TRHDE: variants seen among roughly 807,000 people sequenced by gnomAD.
TRHDE encodes the protein thyrotropin releasing hormone degrading enzyme, also known as thyrotropin-releasing hormone-degrading ectoenzyme.
Under a neutral mutation model 125.7 loss-of-function variants are expected in TRHDE, and 72 were observed. That is an observed-to-expected ratio of 0.57 (90% CI 0.47 to 0.70). TRHDE has a LOEUF of 0.70. Ranked by LOEUF, TRHDE falls within the 30% of genes least tolerant of loss-of-function variation. TRHDE has a pLI of 0.00. For missense variants in TRHDE, 1,110 were observed against 1,327.1 expected (o/e 0.84, Z 2.54); for synonymous variants, 509 against 509.1 (o/e 1.00, Z 0.00).
intron 12 of TRHDE, among the ~76,000 whole-genome samples, chr12:72,603,535 C>A (rs1465798987): frequency 6.6e-6 from 1 of 152,044 alleles, no homozygotes; most frequent in Admixed American, 6.6e-5. Context: ...ACCATCCTGG[C>A]TAACATGGTG....
chr12:72,220,816 C>T (rs1307166261), intron 2 of TRHDE, among the ~76,000 whole-genome samples: 4 of 152,106 alleles, frequency 2.6e-5, no homozygotes, highest in African/African-American at 9.7e-5. Context: ...ACTTTTCTTC[C>T]ACCAAGGACT....
rs191271786 is a variant in TRHDE at position 72,448,570 on chromosome 12, C to A, written c.1316-21188C>A. The stretch of plus-strand genomic sequence containing the variant: ...ATTATTTGAAGGTTAAATATTAATA[C>A]CGAATTCATTTGACTATTTTAGAAC... On this transcript the variant is annotated intron_variant, in intron 3 of 18. Coordinates refer to ENST00000261180, the MANE Select transcript of TRHDE (RefSeq NM_013381.3). 3.2e-3 allele frequency among the ~76,000 whole-genome samples: 491 copies of A among 151,984 alleles called. 1 individual carries two copies. The highest frequency in any genetic ancestry group is 0.011 in the African/African-American group (456 of 41,490).
chr12:72,127,889 A>T (rs182315092), intron 2 of TRHDE, among the ~76,000 whole-genome samples: 158 of 152,250 alleles, frequency 1.0e-3, no homozygotes, highest in African/African-American at 3.6e-3. Context: ...GTGTATATAT[A>T]TACACACACA....
chr12:72,368,946 C>T (rs1246082545), intron 2 of TRHDE, among the ~76,000 whole-genome samples: 1 of 152,064 alleles, frequency 6.6e-6, no homozygotes, highest in African/African-American at 2.4e-5. Context: ...CTGCCAAGTC[C>T]AGATATGGTC....
chr12:72,612,430 A>G (rs1872664708), intron 12 of TRHDE, among the ~76,000 whole-genome samples: 1 of 152,248 alleles, frequency 6.6e-6, no homozygotes, highest in African/African-American at 2.4e-5. Flanking sequence ...GGAAGAAAGC[A>G]CTTAACCCTA....
intron 2 of TRHDE, among the ~76,000 whole-genome samples, chr12:72,141,768 G>A (rs1480080732): frequency 1.3e-5 from 2 of 152,184 alleles, no homozygotes; most frequent in African/African-American, 2.4e-5. Flanking sequence ...GGTGCCAAGG[G>A]AGTATGTAAG....
At chr12:72,363,388 C>T (rs867669185) in intron 2 of TRHDE, among the ~76,000 whole-genome samples, 46 of 151,586 alleles carry the variant, frequency 3.0e-4, no homozygotes, top group African/African-American at 8.2e-4. Flanking sequence ...ACTGGCAAAC[C>T]GAATCCAGCA....
chr12:72,144,554 C>T (rs550911525), intron 2 of TRHDE, among the ~76,000 whole-genome samples: 2 of 152,302 alleles, frequency 1.3e-5, no homozygotes, highest in East Asian at 3.9e-4. Flanking sequence ...TCGTGTGTTA[C>T]TTGTGGCTAT....
chr12:72,529,840 T>C (rs1264883574), intron 6 of TRHDE, among the ~76,000 whole-genome samples: 1 of 152,202 alleles, frequency 6.6e-6, no homozygotes, highest in Non-Finnish European at 1.5e-5. Flanking sequence ...CACTCTCATC[T>C]GATTACTCTG....
At chr12:72,163,656 G>T (rs1232210710) in intron 2 of TRHDE, among the ~76,000 whole-genome samples, 2 of 152,202 alleles carry the variant, frequency 1.3e-5, no homozygotes, top group East Asian at 3.8e-4. Context: ...GAGTATTTAT[G>T]TTTGTTCTGA....
chr12:72,355,405 A>G (rs1171547503), intron 2 of TRHDE, among the ~76,000 whole-genome samples: 1 of 151,376 alleles, frequency 6.6e-6, no homozygotes, highest in Non-Finnish European at 1.5e-5. Context: ...AGGTTTCAAG[A>G]TGGAGGCTAC....
chr12:72,560,491 A>G (rs1482410339), intron 7 of TRHDE: 1 of 152,208 alleles, frequency 6.6e-6, no homozygotes, highest in Non-Finnish European at 1.5e-5. Context: ...AAGAGTAAAG[A>G]GTTCTAATAT....
At chr12:72,490,675 G>A (rs867979414) in intron 5 of TRHDE, among the ~76,000 whole-genome samples, 1 of 149,650 alleles carries the variant, frequency 6.7e-6, no homozygotes, top group Non-Finnish European at 1.5e-5. Flanking sequence ...CCATGGATAT[G>A]TCTGGGACAA....
chr12:72,187,346 C>CAT (rs1368320960), intron 2 of TRHDE, among the ~76,000 whole-genome samples: 1 of 151,000 alleles, frequency 6.6e-6, no homozygotes, highest in Non-Finnish European at 1.5e-5. Flanking sequence ...CACACACACA[C>CAT]ACACACACAC....
chr12:72,624,853 G>A (rs186010792), intron 15 of TRHDE, among the ~76,000 whole-genome samples: 165 of 151,818 alleles, frequency 1.1e-3, no homozygotes, highest in Middle Eastern at 3.4e-3. Context: ...AGCATTTGGT[G>A]GAGATACAAT....
chr12:72,451,086 T>C (rs1404289705), intron 3 of TRHDE, among the ~76,000 whole-genome samples: 1 of 152,186 alleles, frequency 6.6e-6, no homozygotes, highest in Non-Finnish European at 1.5e-5. Context: ...CTTTACTTTG[T>C]TGATTGTTTC....
At chr12:72,289,435 G>T (rs1346242154) in intron 2 of TRHDE, among the ~76,000 whole-genome samples, 1 of 152,110 alleles carries the variant, frequency 6.6e-6, no homozygotes, top group Admixed American at 6.6e-5. Context: ...CAAGCATTCA[G>T]ACTGAATCCA....
chr12:72,536,893 C>A (rs552151091), intron 6 of TRHDE, among the ~76,000 whole-genome samples: 25 of 152,084 alleles, frequency 1.6e-4, no homozygotes, highest in Non-Finnish European at 2.9e-4. Flanking sequence ...CTTCTGTGAG[C>A]ATCTCACTGA....
At chr12:72,367,961 T>C (rs532752423) in intron 2 of TRHDE, among the ~76,000 whole-genome samples, 28 of 152,302 alleles carry the variant, frequency 1.8e-4, no homozygotes, top group African/African-American at 6.7e-4. Context: ...ATTACAAATG[T>C]CAAATTAGAG....
Sources: allele counts gnomAD v4.1 joint callset (sites outside exome capture counted in the v4.1 genomes callset), GRCh38; gene constraint gnomAD v4.1.1; transcripts MANE v1.5; gene names NCBI Gene and HGNC (gene_info 2026-07-23, HGNC 2026-07-21).